Variants in SNTB1 observed in about 807,000 individuals in gnomAD.
SNTB1 encodes the protein beta-1-syntrophin.
Under a neutral mutation model 48.9 loss-of-function variants are expected in SNTB1, and 36 were observed. The observed-to-expected ratio is 0.74, with a 90% CI of 0.56 to 0.97. The LOEUF (loss-of-function observed/expected upper bound fraction) is 0.97. Ranked by LOEUF, SNTB1 falls within the 50% of genes least tolerant of loss-of-function variation. The probability of loss-of-function intolerance (pLI) is 0.00; values close to 1 mark genes in which losing one functional copy is unlikely to be tolerated. For synonymous variants in SNTB1, 299 were observed against 294.6 expected, an observed-to-expected ratio of 1.01 and a Z score of -0.15; for missense variants, 786 against 703.4, an observed-to-expected ratio of 1.12 and a Z score of -1.33.
chr8:120,543,634 C>T (rs1039340047), intron 5 of SNTB1, among the ~76,000 whole-genome samples: 6 of 152,130 alleles, frequency 3.9e-5, no homozygotes, highest in South Asian at 2.1e-4. Context: ...GGCACAGAGT[C>T]GCTCAGCTTT....
intron 2 of SNTB1, among the ~76,000 whole-genome samples, chr8:120,674,842 T>G (rs1817810045): frequency 6.6e-6 from 1 of 152,138 alleles, no homozygotes; most frequent in South Asian, 2.1e-4. Context: ...TTTCAAAAAT[T>G]AGCGGCCTTG....
At chr8:120,628,292 C>G (rs750349102) in intron 3 of SNTB1, among the ~76,000 whole-genome samples, 1 of 152,154 alleles carries the variant, frequency 6.6e-6, no homozygotes, top group African/African-American at 2.4e-5. Flanking sequence ...AGAGCTAGAA[C>G]TTAGCTTGTT....
At chr8:120,587,207 C>A (rs370793791) in intron 3 of SNTB1, among the ~76,000 whole-genome samples, 2 of 140,716 alleles carry the variant, frequency 1.4e-5, no homozygotes, top group Admixed American at 7.3e-5. Flanking sequence ...GGCAACGGAG[C>A]GAGACTCTGT....
intron 2 of SNTB1, among the ~76,000 whole-genome samples, chr8:120,685,668 G>A (rs979845579): frequency 6.6e-6 from 1 of 152,080 alleles, no homozygotes; most frequent in Non-Finnish European, 1.5e-5. Flanking sequence ...CTTTATCAAA[G>A]GTTACACTCT....
At chr8:120,626,239 AT>A (rs1410712559) in intron 3 of SNTB1, among the ~76,000 whole-genome samples, 2 of 152,190 alleles carry the variant, frequency 1.3e-5, no homozygotes, top group African/African-American at 4.8e-5. Flanking sequence ...AGAGAGATCA[AT>A]ATAGTCACAT....
In SNTB1 at chr8:120,632,449, C is replaced by T; in HGVS notation, c.991G>A (p.Glu331Lys). 1 of 1,613,942 alleles carries T rather than the reference C, an allele frequency of 6.2e-7. No homozygotes were observed. The highest frequency in any genetic ancestry group is 8.5e-7 in the Non-Finnish European group (1 of 1,180,000). ...GAGGAAGGTATTTTCCTTACCTTTT[C>T]TGCAAGCCAGCCAAGATGCCTAATC... ...REIRHLGWLA[E>K]KVPGESKKQW... The change falls in exon 3 of 7, where the codon GAA becomes AAA. Residue 331 changes from glutamate (E) to lysine (K), a missense_variant. Physicochemically the swap from Glu to Lys is moderately conservative, Grantham distance 56. Coordinates refer to ENST00000517992, the MANE Select transcript of SNTB1 (RefSeq NM_021021.4).
intron 2 of SNTB1, among the ~76,000 whole-genome samples, chr8:120,644,864 G>A (rs1030682709): frequency 5.3e-5 from 8 of 152,068 alleles, no homozygotes; most frequent in Non-Finnish European, 1.0e-4. Flanking sequence ...TCTAACTGGT[G>A]TGAGATGGTA....
chr8:120,705,069 T>A (rs1319357498), intron 1 of SNTB1, among the ~76,000 whole-genome samples: 1 of 152,222 alleles, frequency 6.6e-6, no homozygotes, highest in African/African-American at 2.4e-5. Context: ...TCTAACAGGT[T>A]AGACGATGTT....
chr8:120,610,701 G>A (rs536768267), intron 3 of SNTB1, among the ~76,000 whole-genome samples: 6 of 152,232 alleles, frequency 3.9e-5, no homozygotes, highest in South Asian at 4.1e-4. Flanking sequence ...TTTATACTTC[G>A]GCCTACTTCC....
At chr8:120,638,802 C>T (rs62526712) in intron 2 of SNTB1, among the ~76,000 whole-genome samples, 55,300 of 152,070 alleles carry the variant, frequency 0.36, 12,157 homozygotes, top group Non-Finnish European at 0.49. Context: ...TCCAGTCTAT[C>T]ACTGATGGAC....
At chr8:120,780,089 A>AG (rs901554302) in intron 1 of SNTB1, among the ~76,000 whole-genome samples, 1 of 151,708 alleles carries the variant, frequency 6.6e-6, no homozygotes, top group African/African-American at 2.4e-5. Flanking sequence ...CTAGTTAAAA[A>AG]AAAAAAAAAA....
intron 3 of SNTB1, among the ~76,000 whole-genome samples, chr8:120,608,240 CTA>C (rs1223802268): frequency 6.6e-6 from 1 of 152,172 alleles, no homozygotes; most frequent in African/African-American, 2.4e-5. Context: ...TCCATGAGAA[CTA>C]GTTAATGAAC....
At chr8:120,670,398 G>A (rs1817740177) in intron 2 of SNTB1, among the ~76,000 whole-genome samples, 2 of 152,120 alleles carry the variant, frequency 1.3e-5, no homozygotes, top group South Asian at 2.1e-4. Flanking sequence ...GGGTTTCTCA[G>A]AAGAACAATA....
At chr8:120,664,023 A>G (rs1166279494) in intron 2 of SNTB1, among the ~76,000 whole-genome samples, 1 of 152,236 alleles carries the variant, frequency 6.6e-6, no homozygotes, top group Non-Finnish European at 1.5e-5. Context: ...CAGGGGATAC[A>G]AAGATAAATT....
intron 1 of SNTB1, among the ~76,000 whole-genome samples, chr8:120,795,455 G>A (rs966408272): frequency 1.3e-5 from 2 of 151,902 alleles, no homozygotes; most frequent in African/African-American, 4.8e-5. Context: ...CACACCTAGA[G>A]GTGATCAAGA....
chr8:120,763,092 A>G (rs1374610942), intron 1 of SNTB1, among the ~76,000 whole-genome samples: 1 of 151,642 alleles, frequency 6.6e-6, no homozygotes, highest in Non-Finnish European at 1.5e-5. Context: ...ACTATCTCAA[A>G]AAACTTCTTC....
intron 1 of SNTB1, among the ~76,000 whole-genome samples, chr8:120,802,114 G>A (rs150707983): frequency 6.6e-6 from 1 of 152,184 alleles, no homozygotes; most frequent in East Asian, 1.9e-4. Flanking sequence ...GGGATTTCAC[G>A]AAGCACAGGA....
At chr8:120,775,815 G>A (rs908115455) in intron 1 of SNTB1, among the ~76,000 whole-genome samples, 1 of 152,122 alleles carries the variant, frequency 6.6e-6, no homozygotes, top group African/African-American at 2.4e-5. Flanking sequence ...CTAGGGAGTG[G>A]TGCAGAGGAC....
Position 120,709,997 on chromosome 8 carries a change from A to C in SNTB1, c.572-16089T>G, listed in dbSNP as rs34643196. Among the ~76,000 whole-genome samples, 786 of 152,320 alleles carry C rather than the reference A, an allele frequency of 5.2e-3. 1 individual carries two copies. Among genetic ancestry groups the C allele is most frequent in the Non-Finnish European group, 9.0e-3 (609 of 68,028 alleles). On this transcript the variant is annotated intron_variant, in intron 1 of 6. Transcript: ENST00000517992. ...ACCTCCCAGAAGCAAACTAGAGAACAAGGACAGAGGGAGATAGCAGGTATG... is the reference window on the plus strand; with the variant it reads ...ACCTCCCAGAAGCAAACTAGAGAACCAGGACAGAGGGAGATAGCAGGTATG...
Sources: gnomAD v4.1 joint callset for allele counts (sites outside exome capture counted in the v4.1 genomes callset) on GRCh38, gnomAD v4.1.1 for gene constraint, MANE v1.5 for transcripts, NCBI Gene and HGNC (gene_info 2026-07-23, HGNC 2026-07-21) for gene names.